Variants in PRDM16 observed in about 807,000 individuals in gnomAD.
PRDM16 encodes the protein histone-lysine N-methyltransferase PRDM16.
A neutral mutation model predicts 110.6 loss-of-function variants in PRDM16; 23 were observed. That is an observed-to-expected ratio of 0.21 (90% CI 0.15 to 0.29). The LOEUF (loss-of-function observed/expected upper bound fraction) is 0.29, where lower values mean the gene tolerates loss of function less well. Among genes scored for constraint, PRDM16 ranks in the 10% least tolerant of loss-of-function variants. The pLI, the probability that PRDM16 is intolerant of heterozygous loss-of-function variation, is 1.00. For missense variants in PRDM16, 1,615 were observed against 1,794.3 expected, an observed-to-expected ratio of 0.90 and a Z score of 1.81; for synonymous variants, 799 against 781.8, an observed-to-expected ratio of 1.02 and a Z score of -0.37.
intron 10 of PRDM16, 138 bp downstream of exon 10, chr1:3,414,785 A>G (rs1301068054): frequency 1.5e-6 from 1 of 664,578 alleles, no homozygotes; most frequent in East Asian, 2.7e-5. Flanking sequence ...CCTCAAAGGC[A>G]GAGGAGGATT....
rs116370838 is a variant in PRDM16 at position 3,246,798 on chromosome 1, A to G, written c.438+2661A>G. Among the ~76,000 whole-genome samples, 3,481 of 151,010 alleles carry G rather than the reference A, an allele frequency of 0.023. 120 individuals are homozygous for G. Among genetic ancestry groups the G allele is most frequent in the African/African-American group, 0.08 (3,298 of 41,184 alleles). On this transcript the variant is annotated intron_variant, in intron 3 of 16. Coordinates refer to ENST00000270722, the MANE Select transcript of PRDM16 (RefSeq NM_022114.4). The surrounding 1 kb of genome is among the most constrained non-coding windows in gnomAD (Gnocchi z 5.2). The stretch of plus-strand genomic sequence containing the variant: ...GACCCGTTCAGTTACATTTCTAGGC[A>G]CTCTCGGGGAGCCGGGGGGGTTGGG...
intron 3 of PRDM16, among the ~76,000 whole-genome samples, chr1:3,367,179 G>A (rs1363728810): frequency 6.6e-6 from 1 of 152,002 alleles, no homozygotes; most frequent in Non-Finnish European, 1.5e-5. Flanking sequence ...TGAGGCAGGA[G>A]AATCTCTTGA....
At position 3,304,687 on chromosome 1, in the gene PRDM16, T is replaced by G. The variant is rs539102833; in HGVS notation, c.438+60550T>G. Among the ~76,000 whole-genome samples, 3 of 152,294 alleles carry G rather than the reference T, an allele frequency of 2.0e-5. No homozygotes were observed. In the South Asian group the frequency reaches 6.2e-4, roughly 32 times the overall value. ...ACAGCGCAAATAAGGGAGGGCAGTG[T>G]CGGTGTCTCTGTGAGCACGTCTGAT... On this transcript the variant is annotated intron_variant, in intron 3 of 16. Transcript: ENST00000270722.
In PRDM16 at chr1:3,434,449, A is replaced by G. The variant is rs888414343; in HGVS notation, c.*638A>G. 2 of 231,612 alleles carry G rather than the reference A, an allele frequency of 8.6e-6. No homozygotes were observed. The allele number at this position is 231,612 out of a possible 1,614,324, so 14.3% of individuals were successfully genotyped here. A position where few individuals can be genotyped will look rare whatever the true frequency, so the allele number is the denominator to read the frequency against. ...CCTGGGTGTATTCTTTATACTGTAG[A>G]TAATGGAGAAATTTTCTATCTCTGT... is the stretch of plus-strand genomic sequence containing the variant. On this transcript the variant is annotated 3_prime_UTR_variant, in exon 17 of 17. Transcript: ENST00000270722.
chr1:3,334,588 G>A (rs1198063069), intron 3 of PRDM16, among the ~76,000 whole-genome samples: 1 of 152,068 alleles, frequency 6.6e-6, no homozygotes, highest in East Asian at 1.9e-4. Flanking sequence ...ACCTACAATG[G>A]CCACAATGCC....
intron 3 of PRDM16, among the ~76,000 whole-genome samples, chr1:3,380,143 G>C (rs535758847): frequency 6.7e-6 from 1 of 148,696 alleles, no homozygotes; most frequent in African/African-American, 2.5e-5. Flanking sequence ...TGCCCCTCCC[G>C]GTGCATGCCC....
intron 1 of PRDM16, among the ~76,000 whole-genome samples, chr1:3,111,517 G>C (rs987133399): frequency 2.5e-5 from 1 of 40,230 alleles, no homozygotes; most frequent in African/African-American, 9.1e-5. Flanking sequence ...CAGAGAAGGA[G>C]GGGAAGGGGA....
chr1:3,069,343 GC>G lies in PRDM16; in HGVS notation c.37+49del, dbSNP rs1469168263. ...GCGCCGCGCCGCCGGGGCCCGGGCC[GC>G]CGGGCCGGGGCGCCCGGGCCAGGGG... is the stretch of plus-strand genomic sequence containing the variant. On this transcript the variant is annotated intron_variant, in intron 1 of 16. Coordinates refer to ENST00000270722, the MANE Select transcript of PRDM16 (RefSeq NM_022114.4). This position sits in a 1 kb window ranked among gnomAD's most constrained non-coding sequence, Gnocchi z 6.1. The G allele has an allele frequency of 1.0e-6, 1 of 983,542 alleles. No homozygotes were observed. Among genetic ancestry groups the G allele is most frequent in the African/African-American group, 1.8e-5 (1 of 55,254 alleles). 60.9% of individuals were successfully genotyped at this position (983,542 alleles called of 1,614,324 possible).
chr1:3,111,363 A>T (rs1381307428), intron 1 of PRDM16, among the ~76,000 whole-genome samples: 1 of 133,210 alleles, frequency 7.5e-6, no homozygotes, highest in Non-Finnish European at 1.7e-5. Context: ...TCCCTCCTGA[A>T]GGTGGTGCTG....
In PRDM16 at chr1:3,271,994, T is replaced by C. The variant is rs555110422; in HGVS notation, c.438+27857T>C. On this transcript the variant is annotated intron_variant, in intron 3 of 16. Transcript: ENST00000270722. ...AGAATGAGACAGCTTCTCCCAGCCA[T>C]GAAAGCACCTGTCAGCTGTCTACCA... Among the ~76,000 whole-genome samples the C allele has an allele frequency of 2.0e-5, 3 of 152,308 alleles. No individual in the cohort carries two copies. In the South Asian group the frequency reaches 6.2e-4, roughly 32 times the overall value.
chr1:3,193,099 C>T lies in PRDM16; in HGVS notation c.387+6625C>T, dbSNP rs114716146. Among the ~76,000 whole-genome samples the T allele has an allele frequency of 2.7e-3, 413 of 152,212 alleles. 1 individual carries two copies. Among genetic ancestry groups the T allele is most frequent in the African/African-American group, 9.2e-3 (381 of 41,522 alleles). On this transcript the variant is annotated intron_variant, in intron 2 of 16. Transcript: ENST00000270722. ...GTACTGAGCAGACGCAGCGGCCAGA[C>T]GGCGAGTACCCAGCAGACACAGCGG...
chr1:3,251,774 G>A (rs12140190), intron 3 of PRDM16, among the ~76,000 whole-genome samples: 3,231 of 152,276 alleles, frequency 0.021, 53 homozygotes, highest in Middle Eastern at 0.051. Flanking sequence ...AGATGGTGGC[G>A]TCAATAAACC....
At chr1:3,225,714 G>T (rs1197367733) in intron 2 of PRDM16, among the ~76,000 whole-genome samples, 1 of 152,168 alleles carries the variant, frequency 6.6e-6, no homozygotes, top group Admixed American at 6.5e-5. Flanking sequence ...TTGAAATAAG[G>T]CTCTAAAACC....
At chr1:3,086,612 G>A (rs749410705) in intron 1 of PRDM16, among the ~76,000 whole-genome samples, 1 of 152,134 alleles carries the variant, frequency 6.6e-6, no homozygotes, top group African/African-American at 2.4e-5. Flanking sequence ...GGGAAGGGAG[G>A]CTGGGGCTCC....
In PRDM16 at chr1:3,430,897, A is replaced by G. The variant is rs749780250; in HGVS notation, c.3310A>G (p.Ser1104Gly). The G allele has an allele frequency of 6.2e-7, 1 of 1,614,146 alleles. No individual in the cohort carries two copies. The highest frequency in any genetic ancestry group is 8.5e-7 in the Non-Finnish European group (1 of 1,180,026). The part of the protein sequence containing the change: ...KRADMQIVDG[S>G]AQCPGLASEK... ...GGCGGACATGCAGATCGTGGACGGCAGTGCCCAGTGTCCAGGCCTAGCCAG... is the reference window on the plus strand; with the variant it reads ...GGCGGACATGCAGATCGTGGACGGCGGTGCCCAGTGTCCAGGCCTAGCCAG... The change falls in exon 15 of 17, where the codon AGT (serine) becomes GGT (glycine). Residue 1104 changes from serine to glycine, a missense_variant. By Grantham distance (56) the Ser-to-Gly change is moderately conservative. Transcript: ENST00000270722.
intron 4 of PRDM16, among the ~76,000 whole-genome samples, chr1:3,388,303 T>G (rs1193416908): frequency 6.6e-6 from 1 of 152,110 alleles, no homozygotes; most frequent in Non-Finnish European, 1.5e-5. Flanking sequence ...TCTGTCTCTC[T>G]CTTTCTCTGT....
At chr1:3,073,075 G>A (rs1209952631) in intron 1 of PRDM16, among the ~76,000 whole-genome samples, 1 of 152,250 alleles carries the variant, frequency 6.6e-6, no homozygotes, top group Admixed American at 6.5e-5. Flanking sequence ...TCCAGAGCAG[G>A]TGCCAGCCCG....
At chr1:3,380,732 G>C (rs549893685) in intron 3 of PRDM16, among the ~76,000 whole-genome samples, 1 of 152,300 alleles carries the variant, frequency 6.6e-6, no homozygotes, top group East Asian at 1.9e-4. Flanking sequence ...TACCTGCAGG[G>C]CCATCATGTG....
intron 3 of PRDM16, among the ~76,000 whole-genome samples, chr1:3,377,823 C>T (rs530933037): frequency 4.6e-5 from 7 of 152,302 alleles, no homozygotes; most frequent in African/African-American, 1.4e-4. Flanking sequence ...ATTGATCACG[C>T]GCAAACAGAA....
Sources: allele counts gnomAD v4.1 joint callset (sites outside exome capture counted in the v4.1 genomes callset), GRCh38; gene constraint gnomAD v4.1.1; non-coding constraint Gnocchi (gnomAD v3.1); transcripts MANE v1.5; gene names NCBI Gene and HGNC (gene_info 2026-07-23, HGNC 2026-07-21).